The following MAGI2 variants were observed in gnomAD, a reference collection of about 807,000 sequenced individuals.
MAGI2 encodes membrane-associated guanylate kinase, WW and PDZ domain-containing protein 2.
Under a neutral mutation model 133.3 loss-of-function variants are expected in MAGI2, and 35 were observed. The ratio of observed to expected loss-of-function variants is 0.26; its 90% confidence interval spans 0.20 to 0.35. MAGI2 has a LOEUF of 0.35. MAGI2 is among the 10% of genes least tolerant of loss of function. MAGI2 has a pLI of 1.00. For synonymous variants in MAGI2, 729 were observed against 710.6 expected, an observed-to-expected ratio of 1.03 and a Z score of -0.41; for missense variants, 1,636 against 1,863.4, an observed-to-expected ratio of 0.88 and a Z score of 2.25.
chr7:78,569,168 T>C (rs75400407), intron 3 of MAGI2, among the ~76,000 whole-genome samples: 2,414 of 152,180 alleles, frequency 0.016, 67 homozygotes, highest in African/African-American at 0.055. Flanking sequence ...CTTTGCTTTA[T>C]TTTCTTAAGA....
intron 1 of MAGI2, among the ~76,000 whole-genome samples, chr7:79,214,923 C>A (rs995941140): frequency 8.3e-5 from 12 of 144,944 alleles, no homozygotes; most frequent in African/African-American, 2.5e-4. Context: ...TTATAAATTT[C>A]TATGATATAT....
At chr7:79,054,134 T>G (rs1812926890) in intron 1 of MAGI2, among the ~76,000 whole-genome samples, 1 of 152,126 alleles carries the variant, frequency 6.6e-6, no homozygotes, top group South Asian at 2.1e-4. Context: ...AGGCAGAGGT[T>G]GCAATGAGCC....
chr7:78,158,640 T>C (rs1001246570), intron 16 of MAGI2, among the ~76,000 whole-genome samples: 1 of 152,246 alleles, frequency 6.6e-6, no homozygotes, highest in Admixed American at 6.5e-5. Context: ...TGTTCATTCC[T>C]GGGCATAGGC....
At chr7:78,329,219 G>C (rs1788916678) in intron 9 of MAGI2, among the ~76,000 whole-genome samples, 1 of 152,180 alleles carries the variant, frequency 6.6e-6, no homozygotes, top group Admixed American at 6.5e-5. Context: ...AGCTGCAGCA[G>C]TTTTGATATT....
intron 1 of MAGI2, chr7:79,414,945 A>G (rs766241314): frequency 6.6e-6 from 1 of 152,158 alleles, no homozygotes; most frequent in Non-Finnish European, 1.5e-5. Flanking sequence ...GGGAGGGACT[A>G]TACTACATTA....
At chr7:78,915,626 TATC>T (rs1342468131) in intron 2 of MAGI2, among the ~76,000 whole-genome samples, 2 of 152,006 alleles carry the variant, frequency 1.3e-5, no homozygotes, top group Admixed American at 1.3e-4. Flanking sequence ...CTCTCTAAAG[TATC>T]ATATAGCTGG....
At chr7:78,680,215 C>T (rs1057011857) in intron 2 of MAGI2, among the ~76,000 whole-genome samples, 2 of 152,048 alleles carry the variant, frequency 1.3e-5, no homozygotes, top group African/African-American at 4.8e-5. Flanking sequence ...AAAGGAATAA[C>T]TCAAGAACCA....
intron 1 of MAGI2, among the ~76,000 whole-genome samples, chr7:79,082,301 G>T (rs1816111934): frequency 6.6e-6 from 1 of 151,992 alleles, no homozygotes; most frequent in Admixed American, 6.6e-5. Context: ...CCTAATCCAA[G>T]GTCATAAAGA....
At chr7:78,489,727 A>T in intron 6 of MAGI2, 34 bp downstream of exon 6, 1 of 1,493,038 alleles carries the variant, frequency 6.7e-7, no homozygotes, top group South Asian at 1.1e-5. Context: ...CTCAAAGCAC[A>T]TTGCTGAAAC....
At chr7:79,233,861 T>C (rs76061929) in intron 1 of MAGI2, among the ~76,000 whole-genome samples, 3 of 151,638 alleles carry the variant, frequency 2.0e-5, no homozygotes, top group Non-Finnish European at 4.4e-5. Context: ...TGATTTTGCT[T>C]GTTAGTTGAT....
intron 1 of MAGI2, among the ~76,000 whole-genome samples, chr7:79,116,357 A>C (rs919320596): frequency 1.3e-5 from 2 of 152,158 alleles, no homozygotes; most frequent in African/African-American, 4.8e-5. Flanking sequence ...AAGCCTGTGC[A>C]TCAGCAAGTC....
At chr7:78,180,628 C>T (rs547292206) in intron 13 of MAGI2, among the ~76,000 whole-genome samples, 3 of 152,180 alleles carry the variant, frequency 2.0e-5, no homozygotes, top group East Asian at 1.9e-4. Context: ...GTGACAATAC[C>T]GATCCTGTTG....
chr7:78,567,170 G>A (rs1473223943), intron 3 of MAGI2, among the ~76,000 whole-genome samples: 1 of 152,110 alleles, frequency 6.6e-6, no homozygotes, highest in Non-Finnish European at 1.5e-5. Flanking sequence ...ATAGTTGATA[G>A]GAAACCTTGA....
intron 2 of MAGI2, among the ~76,000 whole-genome samples, chr7:78,872,286 G>A (rs1334963720): frequency 6.7e-6 from 1 of 149,206 alleles, no homozygotes; most frequent in Admixed American, 6.7e-5. Context: ...TAAAATATTA[G>A]TAAATAAAAA....
intron 10 of MAGI2, among the ~76,000 whole-genome samples, chr7:78,202,376 T>A (rs565314741): frequency 6.6e-5 from 10 of 152,122 alleles, no homozygotes; most frequent in Non-Finnish European, 1.3e-4. Flanking sequence ...AAGTGATGAT[T>A]AATTTTATGA....
At chr7:78,230,439 G>GT (rs1789847966) in intron 10 of MAGI2, among the ~76,000 whole-genome samples, 1 of 152,078 alleles carries the variant, frequency 6.6e-6, no homozygotes, top group Non-Finnish European at 1.5e-5. Flanking sequence ...GTGTATACAA[G>GT]TTTTAAAAAC....
At chr7:79,125,830 G>A (rs573018618) in intron 1 of MAGI2, 86 of 494,336 alleles carry the variant, frequency 1.7e-4, no homozygotes, top group African/African-American at 1.6e-3. Context: ...TTCCTGCCAG[G>A]AAACAAAGCT....
chr7:78,289,695 G>A (rs938647731), intron 9 of MAGI2, among the ~76,000 whole-genome samples: 3 of 152,134 alleles, frequency 2.0e-5, no homozygotes, highest in African/African-American at 7.2e-5. Flanking sequence ...AATGTTAAGG[G>A]CAGCCAGAGA....
chr7:78,299,788 A>T (rs1797672162), intron 9 of MAGI2, among the ~76,000 whole-genome samples: 1 of 152,044 alleles, frequency 6.6e-6, no homozygotes, highest in African/African-American at 2.4e-5. Flanking sequence ...AACAGACCTC[A>T]GTGTGTGTTG....
Sources: allele counts gnomAD v4.1 joint callset (sites outside exome capture counted in the v4.1 genomes callset), GRCh38; gene constraint gnomAD v4.1.1; transcripts MANE v1.5; gene names NCBI Gene and HGNC (gene_info 2026-07-23, HGNC 2026-07-21).